The following ZNF649 variants were observed in gnomAD, a reference collection of about 807,000 sequenced individuals.
ZNF649 encodes the protein zinc finger protein 649.
ZNF649 carries 7 observed loss-of-function variants against 14.1 expected under a neutral mutation model. The ratio of observed to expected loss-of-function variants is 0.49; its 90% CI spans 0.28 to 0.93. The LOEUF (loss-of-function observed/expected upper bound fraction) is 0.93. Among genes scored for constraint, ZNF649 ranks in the 40% least tolerant of loss-of-function variants. The probability of loss-of-function intolerance (pLI) is 0.10; values close to 1 mark genes in which losing one functional copy is unlikely to be tolerated. For synonymous variants in ZNF649, 227 were observed against 212.3 expected (o/e 1.07, Z -0.60); for missense variants, 544 against 608.1 (o/e 0.89, Z 1.11).
At chr19:51,893,007 G>A (rs928948769) in intron 4 of ZNF649, among the ~76,000 whole-genome samples, 12 of 152,058 alleles carry the variant, frequency 7.9e-5, no homozygotes, top group African/African-American at 1.9e-4. Context: ...TGCAGCTCCC[G>A]GACCACCAGA....
Position 51,900,270 on chromosome 19 carries a change from T to C in ZNF649, c.-163A>G. The C allele has an allele frequency of 2.0e-6, 1 of 502,804 alleles. No individual in the cohort carries two copies. The highest frequency in any genetic ancestry group is 3.4e-6 in the Non-Finnish European group (1 of 293,184). 31.1% of individuals were successfully genotyped at this position (502,804 alleles called of 1,614,324 possible). ...AACCTCCTCCTTCCTTCATTTGAAC[T>C]CTCTTGCTTCTGGGGAGCCAGGACC... On this transcript the variant is annotated 5_prime_UTR_variant, in exon 2 of 5. Transcript: ENST00000354957.
Position 51,891,243 on chromosome 19 carries a change from G to C in ZNF649, c.893C>G (p.Ala298Gly). The C allele has an allele frequency of 6.2e-7, 1 of 1,614,228 alleles. No homozygotes were observed. The highest frequency in any genetic ancestry group is 1.1e-5 in the South Asian group (1 of 91,080). Residue 298 changes from alanine to glycine, a missense_variant, in exon 5 of 5, where the codon GCT becomes GGT. By Grantham distance (60) the Ala-to-Gly change is moderately conservative. Coordinates refer to ENST00000354957, the MANE Select transcript of ZNF649 (RefSeq NM_023074.4). This position sits in a 1 kb window ranked among gnomAD's most constrained non-coding sequence, Gnocchi z 4.2. ...KPHQCSECGRAFSRKSLLVVH... is the reference protein window; with the variant it reads ...KPHQCSECGRGFSRKSLLVVH... ...AACGAGTAGTGATTTTCTGGAGAAA[G>C]CTCTCCCACATTCGCTGCATTGATG...
rs1568455018 is a variant in ZNF649, at chr19:51,891,865, G to A, written c.271C>T (p.Pro91Ser). 1 of 1,575,218 alleles carries A rather than the reference G, an allele frequency of 6.3e-7. No individual in the cohort carries two copies. Among genetic ancestry groups the A allele is most frequent in the East Asian group, 2.2e-5 (1 of 44,706 alleles). The change falls in exon 5 of 5, where the codon CCC (proline) becomes TCC (serine). Residue 91 changes from proline to serine, a missense_variant. By Grantham distance (74) the Pro-to-Ser change is moderately conservative. Coordinates refer to ENST00000354957, the MANE Select transcript of ZNF649 (RefSeq NM_023074.4). This position sits in a 1 kb window ranked among gnomAD's most constrained non-coding sequence, Gnocchi z 4.2. The part of the protein sequence containing the change: ...IEKADDHLQQ[P>S]LQNQKILKRT... ...TTCAGTATTTTTTGGTTTTGCAAGG[G>A]CTGCTGCAGATGATCATCAGCTTTC...
chr19:51,903,866 C>T (rs117772772), intron 1 of ZNF649, among the ~76,000 whole-genome samples: 3 of 151,920 alleles, frequency 2.0e-5, no homozygotes, highest in Non-Finnish European at 2.9e-5. Context: ...GAGACTGATG[C>T]TTAAGCAAAC....
intron 1 of ZNF649, among the ~76,000 whole-genome samples, chr19:51,901,175 T>C (rs1012874683): frequency 1.3e-5 from 2 of 152,160 alleles, no homozygotes; most frequent in Non-Finnish European, 2.9e-5. Flanking sequence ...TATTGGGGGC[T>C]GATCGTGAAG....
chr19:51,898,825 A>C (rs1276590363), intron 2 of ZNF649, among the ~76,000 whole-genome samples: 2 of 152,192 alleles, frequency 1.3e-5, no homozygotes, highest in African/African-American at 4.8e-5. Flanking sequence ...AGGCAGGAGA[A>C]TTGCTTGAAC....
intron 1 of ZNF649, chr19:51,904,148 A>C (rs1489123560): frequency 6.6e-6 from 1 of 152,106 alleles, no homozygotes. Context: ...TTGTCTATAA[A>C]TTTGTTCTGA....
intron 4 of ZNF649, among the ~76,000 whole-genome samples, chr19:51,895,562 T>G (rs760928001): frequency 3.3e-5 from 5 of 151,974 alleles, no homozygotes; most frequent in Non-Finnish European, 7.4e-5. Flanking sequence ...AAAGCTGGTC[T>G]CAAACTCCTG....
intron 2 of ZNF649, 121 bp downstream of exon 2, chr19:51,899,972 C>G: frequency 1.2e-6 from 1 of 806,316 alleles, no homozygotes; most frequent in Non-Finnish European, 1.9e-6. Context: ...CAGTCTAAGT[C>G]TGTTTCTCCC....
intron 3 of ZNF649, 79 bp downstream of exon 3, chr19:51,896,773 T>C (rs1356909702): frequency 1.2e-6 from 2 of 1,613,686 alleles, no homozygotes; most frequent in East Asian, 2.2e-5. Flanking sequence ...ACAGCAGACA[T>C]ACCAAAGCTT....
At chr19:51,892,727 A>C (rs1253930291) in intron 4 of ZNF649, among the ~76,000 whole-genome samples, 1 of 152,116 alleles carries the variant, frequency 6.6e-6, no homozygotes, top group South Asian at 2.1e-4. Context: ...CACCAATCTC[A>C]TATTTCCAGG....
Position 51,900,155 on chromosome 19 carries a change from G to A in ZNF649, c.-48C>T, listed in dbSNP as rs766295631. ...CCAAGAACTGGGATGCTTCGTCTTT[G>A]GTTTCTTCTGGATCCTCCCTAAATT... On this transcript the variant is annotated 5_prime_UTR_variant, in exon 2 of 5. Transcript: ENST00000354957. 6.8e-7 allele frequency: 1 copy of A among 1,460,480 alleles called. No homozygotes were observed. Among genetic ancestry groups the A allele is most frequent in the Non-Finnish European group, 9.1e-7 (1 of 1,101,814 alleles). 90.5% of individuals were successfully genotyped at this position (1,460,480 alleles called of 1,614,324 possible).
rs2085018526 is a variant in ZNF649, at chr19:51,891,080, G to A, written c.1056C>T (p.Gly352=). 6.2e-7 allele frequency: 1 copy of A among 1,614,070 alleles called. No individual in the cohort carries two copies. Among genetic ancestry groups the A allele is most frequent in the Non-Finnish European group, 8.5e-7 (1 of 1,180,048 alleles). The change falls in exon 5 of 5, where the codon GGC becomes GGT. Residue 352 remains glycine (G), a synonymous_variant. Coordinates refer to ENST00000354957, the MANE Select transcript of ZNF649 (RefSeq NM_023074.4). This position sits in a 1 kb window ranked among gnomAD's most constrained non-coding sequence, Gnocchi z 4.2. ...GEKPYGCIDC[G]KAFSQKSCLV... is the part of the protein sequence containing the mutation. ...GGCAAGACTTCTGGCTGAAGGCCTT[G>A]CCACAGTCAATGCATCCATAAGGTT...
intron 2 of ZNF649, among the ~76,000 whole-genome samples, chr19:51,899,483 C>T (rs767295944): frequency 6.6e-6 from 1 of 152,196 alleles, no homozygotes; most frequent in Non-Finnish European, 1.5e-5. Flanking sequence ...ATTAGGTTTA[C>T]TCACAGATAA....
intron 1 of ZNF649, among the ~76,000 whole-genome samples, chr19:51,904,404 TG>T (rs568400409): frequency 3.9e-5 from 6 of 151,976 alleles, no homozygotes; most frequent in African/African-American, 7.3e-5. Context: ...CCGGCAAGGG[TG>T]GGCGGTTATA....
In ZNF649 at chr19:51,896,493, T is replaced by G. The variant is rs79978148; in HGVS notation, c.217A>C (p.Ile73Leu). Residue 73 changes from isoleucine (I) to leucine (L), a missense_variant, in exon 4 of 5, where the codon ATC becomes CTC. Coordinates refer to ENST00000354957, the MANE Select transcript of ZNF649 (RefSeq NM_023074.4). ...TTACCTGGGTGGGCTGGACTGTGGA[T>G]TTCATCTTCTAGTGTCCATAGTGGT... ...GEPLWTLEDE[I>L]HSPAHPEIEK... The G allele has an allele frequency of 1.3e-3, 2,123 of 1,614,092 alleles. 21 individuals carry two copies. The African/African-American group carries it at 0.024, about 18-fold the overall frequency.
intron 2 of ZNF649, 180 bp downstream of exon 2, chr19:51,899,913 C>T: frequency 2.2e-6 from 1 of 458,152 alleles, no homozygotes; most frequent in Non-Finnish European, 3.8e-6. Context: ...CACATGTGAA[C>T]TATGTGAACA....
At chr19:51,901,043 G>C (rs755242600) in intron 1 of ZNF649, among the ~76,000 whole-genome samples, 9 of 152,220 alleles carry the variant, frequency 5.9e-5, no homozygotes, top group Non-Finnish European at 1.0e-4. Context: ...TAAGTTTCAA[G>C]TTCAGTCTCT....
In ZNF649 at chr19:51,890,519, A is replaced by G; in HGVS notation, c.*99T>C. The G allele has an allele frequency of 1.4e-6, 1 of 716,142 alleles. No homozygotes were observed. The highest frequency in any genetic ancestry group is 2.3e-6 in the Non-Finnish European group (1 of 431,460). The allele number at this position is 716,142 out of a possible 1,614,324, so 44.4% of individuals were successfully genotyped here. ...GTAAAATATATTTCATATCTTGTAA[A>G]CCCTACTATACATATTAGTGCAGGG... On this transcript the variant is annotated 3_prime_UTR_variant, in exon 5 of 5. Coordinates refer to ENST00000354957, the MANE Select transcript of ZNF649 (RefSeq NM_023074.4).
Sources: gnomAD v4.1 joint callset for allele counts (sites outside exome capture counted in the v4.1 genomes callset) on GRCh38, gnomAD v4.1.1 for gene constraint, Gnocchi (gnomAD v3.1) non-coding constraint, MANE v1.5 for transcripts, NCBI Gene and HGNC (gene_info 2026-07-23, HGNC 2026-07-21) for gene names.